CACNA1D: variants seen among roughly 807,000 people sequenced by gnomAD.
CACNA1D encodes calcium voltage-gated channel subunit alpha1 D.
CACNA1D carries 55 observed loss-of-function variants against 257.1 expected under a neutral mutation model. The observed-to-expected ratio is 0.21, with a 90% CI of 0.17 to 0.27. CACNA1D has a LOEUF of 0.27. Among genes scored for constraint, CACNA1D ranks in the 10% least tolerant of loss-of-function variants. CACNA1D has a pLI of 1.00. For synonymous variants in CACNA1D, 980 were observed against 1,014.9 expected (o/e 0.97, Z 0.65); for missense variants, 1,876 against 2,784.0 (o/e 0.67, Z 7.34).
chr3:53,760,694 G>A (rs542517828), intron 29 of CACNA1D, among the ~76,000 whole-genome samples: 10 of 152,262 alleles, frequency 6.6e-5, no homozygotes, highest in Middle Eastern at 3.4e-3. Context: ...TAAAATGTCC[G>A]GCACATACAT....
At chr3:53,581,694 C>G (rs2093135651) in intron 3 of CACNA1D, among the ~76,000 whole-genome samples, 1 of 152,120 alleles carries the variant, frequency 6.6e-6, no homozygotes, top group Non-Finnish European at 1.5e-5. Flanking sequence ...GAATGAAGGC[C>G]TATGGAGAGA....
rs577168881 is a variant in CACNA1D, at chr3:53,501,959, G to A, written c.483+239G>A. Among the ~76,000 whole-genome samples the A allele has an allele frequency of 9.7e-4, 147 of 151,868 alleles. 4 individuals carry two copies. The South Asian group carries it at 0.03, about 31-fold the overall frequency. ...TTATAAATAGATATGGAATTTTTAT[G>A]GAAGAGATTTGGAGCAGATTTTAAA... is the stretch of plus-strand genomic sequence containing the variant. On this transcript the variant is annotated intron_variant, in intron 3 of 47. Coordinates refer to ENST00000350061, the MANE Select transcript of CACNA1D (RefSeq NM_001128840.3).
At chr3:53,735,349 T>C in intron 19 of CACNA1D, 25 bp from the exon 20 acceptor site, 1 of 1,613,246 alleles carries the variant, frequency 6.2e-7, no homozygotes, top group Non-Finnish European at 8.5e-7. Context: ...TGGGACTGTT[T>C]CCAAGCAGCG....
intron 3 of CACNA1D, among the ~76,000 whole-genome samples, chr3:53,506,354 T>C (rs1417458034): frequency 6.6e-6 from 1 of 152,212 alleles, no homozygotes; most frequent in African/African-American, 2.4e-5. Context: ...CCCTGGTTTA[T>C]AACTGTTGTG....
intron 3 of CACNA1D, among the ~76,000 whole-genome samples, chr3:53,585,106 A>G (rs1277092504): frequency 7.1e-6 from 1 of 141,468 alleles, no homozygotes; most frequent in East Asian, 2.0e-4. Context: ...CAGAGCTGCC[A>G]TATTCACACG....
chr3:53,608,904 A>G (rs2093547766), intron 3 of CACNA1D, among the ~76,000 whole-genome samples: 1 of 152,138 alleles, frequency 6.6e-6, no homozygotes, highest in Non-Finnish European at 1.5e-5. Context: ...AAGAATTTTT[A>G]TGTCTGTGTA....
Position 53,811,145 on chromosome 3 carries a change from A to C in CACNA1D, c.6225A>C (p.Ala2075=), listed in dbSNP as rs2095598994. Residue 2075 remains alanine (A), a synonymous_variant, in exon 48 of 48, where the codon GCA becomes GCC. Coordinates refer to ENST00000350061, the MANE Select transcript of CACNA1D (RefSeq NM_001128840.3). This position sits in a 1 kb window ranked among gnomAD's most constrained non-coding sequence, Gnocchi z 4.2. ...VLISEGLGRY[A]RDPKFVSATK... is the part of the protein sequence containing the mutation. ...TATCCGAAGGCTTGGGACGCTATGC[A>C]AGGGACCCAAAATTTGTGTCAGCAA... is the stretch of plus-strand genomic sequence containing the variant. 1 of 1,613,986 alleles carries C rather than the reference A, an allele frequency of 6.2e-7. No homozygotes were observed. The highest frequency in any genetic ancestry group is 1.3e-5 in the African/African-American group (1 of 74,922).
intron 3 of CACNA1D, among the ~76,000 whole-genome samples, chr3:53,640,750 C>T (rs2093940743): frequency 6.6e-6 from 1 of 152,236 alleles, no homozygotes; most frequent in South Asian, 2.1e-4. Flanking sequence ...CAAACAGTTT[C>T]AACTTGGATG....
chr3:53,662,287 A>T lies in CACNA1D; in HGVS notation c.766+2012A>T, dbSNP rs1332304081. Among the ~76,000 whole-genome samples the T allele has an allele frequency of 4.6e-5, 7 of 152,254 alleles. No individual in the cohort carries two copies. The East Asian group carries it at 1.3e-3, about 29-fold the overall frequency. ...TCAGGCATTTGTGGAGTTCTTAAGC[A>T]CCCACATTAAGAGACTGAGGGAGAA... is the stretch of plus-strand genomic sequence containing the variant. On this transcript the variant is annotated intron_variant, in intron 5 of 47. Transcript: ENST00000350061.
At chr3:53,809,571 G>A (rs1346301336) in intron 46 of CACNA1D, 2 of 289,578 alleles carry the variant, frequency 6.9e-6, no homozygotes, top group Non-Finnish European at 1.3e-5. Context: ...CCAGAGCAAA[G>A]AGAACCAGCT....
intron 19 of CACNA1D, among the ~76,000 whole-genome samples, chr3:53,734,225 T>C (rs1018562847): frequency 2.6e-5 from 4 of 151,090 alleles, no homozygotes; most frequent in Non-Finnish European, 5.9e-5. Flanking sequence ...TTACATAAAG[T>C]TGACTCCAGT....
intron 3 of CACNA1D, among the ~76,000 whole-genome samples, chr3:53,637,585 G>A (rs1164933972): frequency 2.6e-5 from 4 of 152,164 alleles, no homozygotes; most frequent in Non-Finnish European, 5.9e-5. Context: ...CCCTGGGAGT[G>A]GAATTGCCTG....
chr3:53,594,361 G>A (rs1576013312), intron 3 of CACNA1D, among the ~76,000 whole-genome samples: 1 of 152,162 alleles, frequency 6.6e-6, no homozygotes. Flanking sequence ...TCGATCCCAG[G>A]TTCCTCAGGC....
chr3:53,532,624 G>A (rs1278058418), intron 3 of CACNA1D, among the ~76,000 whole-genome samples: 1 of 152,190 alleles, frequency 6.6e-6, no homozygotes, highest in Non-Finnish European at 1.5e-5. Context: ...CTATTGACTA[G>A]AATTTGAGAC....
intron 17 of CACNA1D, 114 bp from the exon 18 acceptor site, chr3:53,731,902 A>G (rs1331260488): frequency 5.2e-6 from 4 of 764,096 alleles, no homozygotes; most frequent in South Asian, 1.4e-5. Flanking sequence ...TCAAATACAG[A>G]TGCAGCTTTG....
chr3:53,727,082 G>A (rs2094942552), intron 15 of CACNA1D, 83 bp downstream of exon 15: 1 of 1,500,782 alleles, frequency 6.7e-7, no homozygotes. Flanking sequence ...CTGTGGTGAT[G>A]GTGGTGGTAG....
intron 8 of CACNA1D, among the ~76,000 whole-genome samples, chr3:53,691,889 T>TATATATTACATATATTATATATA (rs2094531053): frequency 1.0e-5 from 1 of 97,782 alleles, no homozygotes; most frequent in African/African-American, 3.6e-5. Context: ...TAATATATAT[T>TATATATTACATATATTATATATA]ATATATATTA....
chr3:53,627,185 T>C (rs1203090711), intron 3 of CACNA1D, among the ~76,000 whole-genome samples: 1 of 152,202 alleles, frequency 6.6e-6, no homozygotes, highest in Non-Finnish European at 1.5e-5. Context: ...CAATAGGGAT[T>C]TGTGGCTCTG....
intron 8 of CACNA1D, among the ~76,000 whole-genome samples, chr3:53,700,729 C>T (rs1217460127): frequency 6.6e-6 from 1 of 152,076 alleles, no homozygotes; most frequent in Non-Finnish European, 1.5e-5. Flanking sequence ...TGGCCTCCTT[C>T]CTTATTCACA....
Sources: allele counts gnomAD v4.1 joint callset (sites outside exome capture counted in the v4.1 genomes callset), GRCh38; gene constraint gnomAD v4.1.1; non-coding constraint Gnocchi (gnomAD v3.1); transcripts MANE v1.5; gene names NCBI Gene and HGNC (gene_info 2026-07-23, HGNC 2026-07-21).